PIEZO2: variants seen among roughly 807,000 people sequenced by gnomAD.
PIEZO2 encodes the protein piezo type mechanosensitive ion channel component 2.
Under a neutral mutation model 337.3 loss-of-function variants are expected in PIEZO2, and 172 were observed. The ratio of observed to expected loss-of-function variants is 0.51; its 90% CI spans 0.45 to 0.58. PIEZO2 has a LOEUF of 0.58. Ranked by LOEUF, PIEZO2 falls within the 20% of genes least tolerant of loss-of-function variation. The pLI, the probability that PIEZO2 is intolerant of heterozygous loss-of-function variation, is 0.00. For missense variants in PIEZO2, 3,028 were observed against 3,391.3 expected, an observed-to-expected ratio of 0.89 and a Z score of 2.66; for synonymous variants, 1,251 against 1,228.5, an observed-to-expected ratio of 1.02 and a Z score of -0.38.
At chr18:10,902,618 G>A (rs1027833634) in intron 4 of PIEZO2, among the ~76,000 whole-genome samples, 2 of 152,190 alleles carry the variant, frequency 1.3e-5, no homozygotes, top group African/African-American at 4.8e-5. Context: ...GGTAATTAAA[G>A]TAATAGTATA....
Position 10,816,269 on chromosome 18 carries a change from T to C in PIEZO2, c.918-8995A>G, listed in dbSNP as rs568198304. ...CATTTAACCAAAGATCACGAAGTCTTATGCCATTAGTGTTCTTTTATATTT... is the reference window on the plus strand; with the variant it reads ...CATTTAACCAAAGATCACGAAGTCTCATGCCATTAGTGTTCTTTTATATTT... On this transcript the variant is annotated intron_variant, in intron 7 of 55. Coordinates refer to ENST00000674853, the MANE Select transcript of PIEZO2 (RefSeq NM_001378183.1). Among the ~76,000 whole-genome samples, 150 of 152,324 alleles carry C rather than the reference T, an allele frequency of 9.8e-4. 1 individual carries two copies. Among genetic ancestry groups the C allele is most frequent in the Non-Finnish European group, 1.9e-3 (131 of 68,026 alleles).
chr18:10,842,245 C>A (rs746515474), intron 7 of PIEZO2, among the ~76,000 whole-genome samples: 3 of 151,488 alleles, frequency 2.0e-5, no homozygotes, highest in Non-Finnish European at 4.4e-5. Context: ...ACTGCTTTTG[C>A]ACCAACCTAA....
At chr18:10,886,374 GTGTGTGTATATATA>G (rs1568165387) in intron 4 of PIEZO2, among the ~76,000 whole-genome samples, 1 of 7,266 alleles carries the variant, frequency 1.4e-4, no homozygotes, top group Non-Finnish European at 2.0e-4. Context: ...ATATATGTGT[GTGTGTGTATATATA>G]TATATATATA....
chr18:10,823,961 C>T (rs2040594440), intron 7 of PIEZO2, among the ~76,000 whole-genome samples: 1 of 152,202 alleles, frequency 6.6e-6, no homozygotes, highest in African/African-American at 2.4e-5. Flanking sequence ...AAAGCCTTGC[C>T]TACAGTTCTT....
rs1433677597 is a variant in PIEZO2, at chr18:10,850,116, T to C, written c.917+5237A>G. On this transcript the variant is annotated intron_variant, in intron 7 of 55. Transcript: ENST00000674853. This position sits in a 1 kb window ranked among gnomAD's most constrained non-coding sequence, Gnocchi z 4.5. ...GTCCTACATTTTGTTTTGGAAAATATGCTCGTGCCACACCTGTGTGCATAA... is the reference window on the plus strand; with the variant it reads ...GTCCTACATTTTGTTTTGGAAAATACGCTCGTGCCACACCTGTGTGCATAA... 6.6e-6 allele frequency among the ~76,000 whole-genome samples: 1 copy of C among 152,226 alleles called. No homozygotes were observed. Among genetic ancestry groups the C allele is most frequent in the Non-Finnish European group, 1.5e-5 (1 of 68,042 alleles).
chr18:10,691,794 TATATATAG>T (rs1269421524), intron 47 of PIEZO2, among the ~76,000 whole-genome samples: 4 of 67,860 alleles, frequency 5.9e-5, no homozygotes, highest in Non-Finnish European at 8.7e-5. Flanking sequence ...TATATATATA[TATATATAG>T]AGAGAGAGAG....
chr18:11,015,331 T>C (rs1208430783), intron 2 of PIEZO2, among the ~76,000 whole-genome samples: 3 of 152,048 alleles, frequency 2.0e-5, no homozygotes, highest in African/African-American at 4.8e-5. Context: ...CACTCCTCAG[T>C]ATGGGGCATG....
Position 10,830,813 on chromosome 18 carries a change from G to A in PIEZO2, c.918-23539C>T, listed in dbSNP as rs1382966573. On this transcript the variant is annotated intron_variant, in intron 7 of 55. Transcript: ENST00000674853. This position sits in a 1 kb window ranked among gnomAD's most constrained non-coding sequence, Gnocchi z 4.7. ...GGAATTAATAATCAGGATATATAAGGAGTTCAAACAATTCAATAGGAAAAA... is the reference window on the plus strand; with the variant it reads ...GGAATTAATAATCAGGATATATAAGAAGTTCAAACAATTCAATAGGAAAAA... Among the ~76,000 whole-genome samples, 1 of 152,220 alleles carries A rather than the reference G, an allele frequency of 6.6e-6. No homozygotes were observed. Among genetic ancestry groups the A allele is most frequent in the Admixed American group, 6.5e-5 (1 of 15,292 alleles).
chr18:10,801,489 T>C, intron 9 of PIEZO2, 61 bp from the exon 10 acceptor site: 3 of 1,413,868 alleles, frequency 2.1e-6, no homozygotes, highest in Non-Finnish European at 2.9e-6. Flanking sequence ...TTACTGTTTA[T>C]GTATCTATAA....
rs545962032 is a variant in PIEZO2, at chr18:10,958,841, T to C, written c.286+20694A>G. On this transcript the variant is annotated intron_variant, in intron 3 of 55. Transcript: ENST00000674853. ...GTCTAAGGTATAAATTTGGCCACTT[T>C]GATATAAATTGAAATACCAAGTCTA... Among the ~76,000 whole-genome samples the C allele has an allele frequency of 9.3e-4, 142 of 152,292 alleles. 1 individual carries two copies. Among genetic ancestry groups the C allele is most frequent in the Admixed American group, 2.3e-3 (35 of 15,296 alleles).
chr18:11,021,311 G>A lies in PIEZO2; in HGVS notation c.161-41651C>T, dbSNP rs774684140. On this transcript the variant is annotated intron_variant, in intron 2 of 55. Coordinates refer to ENST00000674853, the MANE Select transcript of PIEZO2 (RefSeq NM_001378183.1). The surrounding 1 kb of genome is among the most constrained non-coding windows in gnomAD (Gnocchi z 4.7). ...TTTCCATGGACCCAAAGTCAGTGTG[G>A]TGTTCTTACTTCCTGTTTTCTAGTC... Among the ~76,000 whole-genome samples the A allele has an allele frequency of 4.9e-4, 75 of 152,270 alleles. 1 individual carries two copies. The Middle Eastern group carries it at 0.01, about 21-fold the overall frequency.
At position 11,122,867 on chromosome 18, in the gene PIEZO2, C is replaced by T. The variant is rs117113942; in HGVS notation, c.64+25658G>A. Reference sequence around the variant, plus strand: ...CGACAAGTCTTTATCATTTACTTCCCTGAGAATTAAGGTTATATGTATAAT... The same window carrying T: ...CGACAAGTCTTTATCATTTACTTCCTTGAGAATTAAGGTTATATGTATAAT... On this transcript the variant is annotated intron_variant, in intron 1 of 55. Transcript: ENST00000674853. 9.9e-5 allele frequency among the ~76,000 whole-genome samples: 15 copies of T among 151,660 alleles called. No homozygotes were observed. The East Asian group carries it at 2.7e-3, about 27-fold the overall frequency.
At chr18:11,122,726 A>G (rs1221526662) in intron 1 of PIEZO2, among the ~76,000 whole-genome samples, 1 of 152,190 alleles carries the variant, frequency 6.6e-6, no homozygotes, top group African/African-American at 2.4e-5. Context: ...AGATTTATCT[A>G]TAAGACACTT....
chr18:11,050,256 T>C (rs2037474619), intron 2 of PIEZO2, among the ~76,000 whole-genome samples: 1 of 152,216 alleles, frequency 6.6e-6, no homozygotes, highest in African/African-American at 2.4e-5. Flanking sequence ...AATATTTTCC[T>C]GTGTTTTGCT....
intron 2 of PIEZO2, among the ~76,000 whole-genome samples, chr18:10,983,859 A>G (rs531284557): frequency 2.6e-5 from 4 of 152,300 alleles, no homozygotes; most frequent in African/African-American, 7.2e-5. Context: ...AAGGTATACA[A>G]CGTTCAGTAC....
Position 10,793,684 on chromosome 18 carries a change from AG to A in PIEZO2, c.1758+1087del, listed in dbSNP as rs1284603127. On this transcript the variant is annotated intron_variant, in intron 13 of 55. Transcript: ENST00000674853. ...AGAGGAAAGAGGGAGAGAGAGTAAA[AG>A]AAAAGAGTGTTAGATGAAGGTGCCT... 7.9e-5 allele frequency among the ~76,000 whole-genome samples: 12 copies of A among 152,310 alleles called. No individual in the cohort carries two copies. In the East Asian group the frequency reaches 2.1e-3, roughly 27 times the overall value.
chr18:10,682,775 T>TTCTATCATGTTGTTCGACACC lies in PIEZO2; in HGVS notation c.7498-484_7498-483insGGTGTCGAACAACATGATAGA. On this transcript the variant is annotated intron_variant, in intron 49 of 55. Coordinates refer to ENST00000674853, the MANE Select transcript of PIEZO2 (RefSeq NM_001378183.1). The surrounding 1 kb of genome is among the most constrained non-coding windows in gnomAD (Gnocchi z 5.6). ...TTAATTTAATTCATGACACGTGTTGTTAAAGACAATGTTGTTCGACACCTA... is the reference window on the plus strand; with the variant it reads ...TTAATTTAATTCATGACACGTGTTGTTCTATCATGTTGTTCGACACCTAAAGACAATGTTGTTCGACACCTA... Among the ~76,000 whole-genome samples, 1 of 152,066 alleles carries TTCTATCATGTTGTTCGACACC rather than the reference T, an allele frequency of 6.6e-6. No individual in the cohort carries two copies. Among genetic ancestry groups the TTCTATCATGTTGTTCGACACC allele is most frequent in the South Asian group, 2.1e-4 (1 of 4,826 alleles).
intron 2 of PIEZO2, among the ~76,000 whole-genome samples, chr18:11,018,464 C>A (rs889882839): frequency 1.4e-5 from 2 of 147,408 alleles, no homozygotes; most frequent in Non-Finnish European, 3.0e-5. Context: ...GAGCTTGGAT[C>A]AGACTTAACA....
intron 2 of PIEZO2, among the ~76,000 whole-genome samples, chr18:11,015,141 A>G (rs2584741): frequency 0.54 from 61,913 of 115,246 alleles, 16,168 homozygotes; most frequent in Middle Eastern, 0.66. Context: ...ACCCTGGGTG[A>G]GACAGCGATC....
Sources: allele counts gnomAD v4.1 joint callset (sites outside exome capture counted in the v4.1 genomes callset), GRCh38; gene constraint gnomAD v4.1.1; non-coding constraint Gnocchi (gnomAD v3.1); transcripts MANE v1.5; gene names NCBI Gene and HGNC (gene_info 2026-07-23, HGNC 2026-07-21).